The following PCDHA7 variants were observed in gnomAD, a reference collection of about 807,000 sequenced individuals.
PCDHA7 encodes protocadherin alpha-7.
Under a neutral mutation model 57.2 loss-of-function variants are expected in PCDHA7, and 37 were observed. The observed-to-expected ratio is 0.65, with a 90% CI of 0.50 to 0.85. The LOEUF is 0.85. Ranked by LOEUF, PCDHA7 falls within the 40% of genes least tolerant of loss-of-function variation. The pLI, the probability that PCDHA7 is intolerant of heterozygous loss-of-function variation, is 0.00. For missense variants in PCDHA7, 1,188 were observed against 1,241.8 expected, an observed-to-expected ratio of 0.96 and a Z score of 0.65; for synonymous variants, 553 against 558.8, an observed-to-expected ratio of 0.99 and a Z score of 0.15.
intron 1 of PCDHA7, chr5:140,850,598 C>T (rs1358773904): frequency 1.9e-6 from 3 of 1,598,576 alleles, no homozygotes; most frequent in Middle Eastern, 1.7e-4. Context: ...TGTACCTGAT[C>T]ATCGCCATCT....
At chr5:140,876,672 C>T in intron 1 of PCDHA7, 1 of 1,614,208 alleles carries the variant, frequency 6.2e-7, no homozygotes, top group Non-Finnish European at 8.5e-7. Context: ...TGGTGTCCAC[C>T]TACAAGAATT....
intron 3 of PCDHA7, among the ~76,000 whole-genome samples, chr5:141,000,558 G>C (rs1462892656): frequency 6.7e-6 from 1 of 149,136 alleles, no homozygotes; most frequent in African/African-American, 2.5e-5. Context: ...CTCCCGAGTA[G>C]CTGGGATTAC....
At chr5:140,871,651 T>C (rs1415489448) in intron 1 of PCDHA7, 20 of 1,258,470 alleles carry the variant, frequency 1.6e-5, no homozygotes, top group Non-Finnish European at 1.9e-5. Flanking sequence ...TACCAAATGA[T>C]ACACATCTTC....
At chr5:140,887,249 A>AC (rs1367463344) in intron 1 of PCDHA7, among the ~76,000 whole-genome samples, 3 of 151,838 alleles carry the variant, frequency 2.0e-5, no homozygotes, top group Non-Finnish European at 4.4e-5. Context: ...GGCGCCCGCC[A>AC]CCACGCCCTG....
At chr5:140,991,757 C>T (rs1554252410) in intron 3 of PCDHA7, among the ~76,000 whole-genome samples, 1 of 152,160 alleles carries the variant, frequency 6.6e-6, no homozygotes, top group African/African-American at 2.4e-5. Context: ...CTATCATGCT[C>T]TTCAAAATTC....
intron 1 of PCDHA7, chr5:140,882,078 C>T: frequency 1.1e-6 from 1 of 937,486 alleles, no homozygotes; most frequent in Non-Finnish European, 1.6e-6. Flanking sequence ...CGCATGGTGT[C>T]GCTCTTCACT....
rs57130401 is a variant in PCDHA7, at chr5:140,838,077, AGTGTGTGTGTGTGTGT to A, written c.2355+1378_2355+1393del. On this transcript the variant is annotated intron_variant, in intron 1 of 3. Transcript: ENST00000525929. Reference sequence around the variant, plus strand: ...TTTCCACTTTAAGTTATATATATATAGTGTGTGTGTGTGTGTGTGTGTGTGTGTGTGTGTGTGTGTG... The same window carrying A: ...TTTCCACTTTAAGTTATATATATATAGTGTGTGTGTGTGTGTGTGTGTGTG... 1.6e-3 allele frequency among the ~76,000 whole-genome samples: 130 copies of A among 80,702 alleles called. 1 individual carries two copies. The highest frequency in any genetic ancestry group is 1.6e-3 in the Non-Finnish European group (64 of 41,166). 52.9% of individuals were successfully genotyped at this position (80,702 alleles called of 152,430 possible). A position where few individuals can be genotyped will look rare whatever the true frequency, so the allele number is the denominator to read the frequency against.
rs371906545 is a variant in PCDHA7, at chr5:140,875,244, A to C, written c.2355+38506A>C. 9 of 951,720 alleles carry C rather than the reference A, an allele frequency of 9.5e-6. No homozygotes were observed. The East Asian group carries it at 2.2e-4, about 24-fold the overall frequency. The allele number at this position is 951,720 out of a possible 1,614,324, so 59.0% of individuals were successfully genotyped here. A position where few individuals can be genotyped will look rare whatever the true frequency, so the allele number is the denominator to read the frequency against. ...TCAGGATCTTTCTTGTACTTACATA[A>C]TCAGTCACATGATGTCGCTCTACAC... On this transcript the variant is annotated intron_variant, in intron 1 of 3. Transcript: ENST00000525929.
intron 1 of PCDHA7, chr5:140,870,717 T>C (rs782672690): frequency 4.3e-6 from 7 of 1,613,062 alleles, no homozygotes; most frequent in South Asian, 2.2e-5. Context: ...GCGCGCGCGA[T>C]GCGGGCGTGC....
rs782180931 is a variant in PCDHA7, at chr5:140,857,881, G to A, written c.2355+21143G>A. 6 of 1,597,644 alleles carry A rather than the reference G, an allele frequency of 3.8e-6. 1 individual carries two copies. In the African/African-American group the frequency reaches 8.1e-5, roughly 22 times the overall value. On this transcript the variant is annotated intron_variant, in intron 1 of 3. Coordinates refer to ENST00000525929, the MANE Select transcript of PCDHA7 (RefSeq NM_018910.3). ...ACGCGTGGCTGTCGTATGAATTGCAGTCGGCGGCGGTTGGTGCACGCATCC... is the reference window on the plus strand; with the variant it reads ...ACGCGTGGCTGTCGTATGAATTGCAATCGGCGGCGGTTGGTGCACGCATCC...
intron 1 of PCDHA7, among the ~76,000 whole-genome samples, chr5:140,839,342 G>A (rs1463316254): frequency 2.0e-5 from 3 of 150,644 alleles, no homozygotes; most frequent in East Asian, 3.9e-4. Flanking sequence ...GTTGATAGGG[G>A]ATCCTCCTTA....
At chr5:140,975,213 G>A (rs1205237242) in intron 1 of PCDHA7, among the ~76,000 whole-genome samples, 2 of 152,178 alleles carry the variant, frequency 1.3e-5, no homozygotes, top group African/African-American at 4.8e-5. Context: ...GGCTGGCACT[G>A]GAGAATCTTC....
Position 140,843,714 on chromosome 5 carries a change from A to C in PCDHA7, c.2355+6976A>C, listed in dbSNP as rs782749981. ...GATTTAAATGTTGATCATGGCCTCA[A>C]AGTAAGTCCATTTAAATTTAGAACT... is the stretch of plus-strand genomic sequence containing the variant. On this transcript the variant is annotated intron_variant, in intron 1 of 3. Transcript: ENST00000525929. The C allele has an allele frequency of 2.5e-6, 4 of 1,569,610 alleles. 1 individual carries two copies. The highest frequency in any genetic ancestry group is 1.4e-5 in the African/African-American group (1 of 73,998).
rs1554204518 is a variant in PCDHA7 at position 140,927,427 on chromosome 5, G to A, written c.2356-51522G>A. Reference sequence around the variant, plus strand: ...CCTGGACATGGGATCGCGGGTTGACGGCAGCGAATACCCGGAGTTGGTGTT... The same window carrying A: ...CCTGGACATGGGATCGCGGGTTGACAGCAGCGAATACCCGGAGTTGGTGTT... On this transcript the variant is annotated intron_variant, in intron 1 of 3. Transcript: ENST00000525929. 1.2e-6 allele frequency: 2 copies of A among 1,614,114 alleles called. No homozygotes were observed. Among genetic ancestry groups the A allele is most frequent in the Non-Finnish European group, 1.7e-6 (2 of 1,179,974 alleles).
At chr5:140,883,773 G>C (rs1362933627) in intron 1 of PCDHA7, 11 of 1,612,372 alleles carry the variant, frequency 6.8e-6, no homozygotes, top group Non-Finnish European at 9.3e-6. Context: ...GTGGGCGAGC[G>C]TGCGCTGTCG....
rs2150266222 is a variant in PCDHA7, at chr5:140,836,630, A to T, written c.2247A>T (p.Ser749=). The change falls in exon 1 of 4, where the codon TCA becomes TCT. Residue 749 remains serine (S), a synonymous_variant. Transcript: ENST00000525929. The part of the protein sequence containing the change: ...LVCSSAVGSW[S]FSQQRRQRVC... The stretch of plus-strand genomic sequence containing the variant: ...GCTCCAGCGCGGTGGGGAGCTGGTC[A>T]TTCTCCCAGCAGAGGCGGCAGAGGG... 1 of 1,613,502 alleles carries T rather than the reference A, an allele frequency of 6.2e-7. No individual in the cohort carries two copies.
chr5:140,905,826 T>C (rs782149349), intron 1 of PCDHA7, among the ~76,000 whole-genome samples: 8 of 152,170 alleles, frequency 5.3e-5, no homozygotes, highest in Non-Finnish European at 7.3e-5. Flanking sequence ...TAGATGTGTA[T>C]ATAAAGGGGA....
At chr5:140,995,488 C>T (rs1402273935) in intron 3 of PCDHA7, among the ~76,000 whole-genome samples, 26 of 152,182 alleles carry the variant, frequency 1.7e-4, no homozygotes, top group Admixed American at 1.6e-3. Context: ...TATTTTCAGA[C>T]TAAGGTTGAC....
At chr5:140,940,497 C>T (rs1314378548) in intron 1 of PCDHA7, among the ~76,000 whole-genome samples, 1 of 151,818 alleles carries the variant, frequency 6.6e-6, no homozygotes, top group Non-Finnish European at 1.5e-5. Context: ...AAGTCTTGCT[C>T]CGTCGCTCAG....
Sources: gnomAD v4.1 joint callset for allele counts (sites outside exome capture counted in the v4.1 genomes callset) on GRCh38, gnomAD v4.1.1 for gene constraint, MANE v1.5 for transcripts, NCBI Gene and HGNC (gene_info 2026-07-23, HGNC 2026-07-21) for gene names.